The following ENOX1 variants were observed in gnomAD, a reference collection of about 807,000 sequenced individuals.
ENOX1 encodes candidate growth-related and time keeping constitutive hydroquinone (NADH) oxidase.
A neutral mutation model predicts 82.5 loss-of-function variants in ENOX1; 42 were observed. The observed-to-expected ratio is 0.51, with a 90% CI of 0.40 to 0.66. The LOEUF (loss-of-function observed/expected upper bound fraction) is 0.66, where lower values mean the gene tolerates loss of function less well. ENOX1 is among the 30% of genes least tolerant of loss of function. The pLI is 0.00. For missense variants in ENOX1, 608 were observed against 811.6 expected, an observed-to-expected ratio of 0.75 and a Z score of 3.05; for synonymous variants, 271 against 282.2, an observed-to-expected ratio of 0.96 and a Z score of 0.40.
At chr13:43,752,705 T>C (rs1566878526) in intron 1 of ENOX1, among the ~76,000 whole-genome samples, 1 of 152,202 alleles carries the variant, frequency 6.6e-6, no homozygotes, top group African/African-American at 2.4e-5. Flanking sequence ...CTTCTGCCTC[T>C]TTCTTCTGTT....
rs183534006 is a variant in ENOX1, at chr13:43,383,305, C to A, written c.209-21853G>T. The stretch of plus-strand genomic sequence containing the variant: ...TCTCCCAACTTGTTAAATTTCAAGA[C>A]TTCTCCTTGGAGCCATGAGCAGAAT... On this transcript the variant is annotated intron_variant, in intron 5 of 16. Transcript: ENST00000690772. Among the ~76,000 whole-genome samples, 19 of 152,208 alleles carry A rather than the reference C, an allele frequency of 1.2e-4. 1 individual carries two copies. The East Asian group carries it at 3.7e-3, about 29-fold the overall frequency.
At chr13:43,366,397 CCTGAGTA>C (rs999597973) in intron 5 of ENOX1, among the ~76,000 whole-genome samples, 1 of 152,068 alleles carries the variant, frequency 6.6e-6, no homozygotes, top group African/African-American at 2.4e-5. Context: ...GCCTCAGCCT[CCTGAGTA>C]GCTGGGACTA....
intron 2 of ENOX1, among the ~76,000 whole-genome samples, chr13:43,647,341 C>T (rs2083941286): frequency 6.6e-6 from 1 of 152,134 alleles, no homozygotes; most frequent in Admixed American, 6.5e-5. Flanking sequence ...CTGACACCAC[C>T]ATTGCTACCA....
intron 10 of ENOX1, 44 bp downstream of exon 10, chr13:43,326,375 C>G: frequency 6.5e-7 from 1 of 1,541,044 alleles, no homozygotes; most frequent in Non-Finnish European, 9.0e-7. Context: ...TCTGCCAATC[C>G]AGCTGTGTGA....
chr13:43,521,454 T>C (rs2077765034), intron 2 of ENOX1, among the ~76,000 whole-genome samples: 1 of 152,066 alleles, frequency 6.6e-6, no homozygotes, highest in Non-Finnish European at 1.5e-5. Flanking sequence ...GGGCTGGGTA[T>C]TCCCGCTCTC....
At chr13:43,500,848 T>C (rs1033921644) in intron 2 of ENOX1, among the ~76,000 whole-genome samples, 4 of 151,902 alleles carry the variant, frequency 2.6e-5, no homozygotes, top group Non-Finnish European at 5.9e-5. Flanking sequence ...TTGTGTGTTA[T>C]TGAAGATATG....
At chr13:43,600,189 C>A (rs987346572) in intron 2 of ENOX1, among the ~76,000 whole-genome samples, 14 of 152,142 alleles carry the variant, frequency 9.2e-5, no homozygotes, top group Non-Finnish European at 1.9e-4. Context: ...GGAACCAGCT[C>A]CGTCACAGTG....
At chr13:43,541,171 C>CTCTTTTTTTTTTTTTTTT (rs1555317884) in intron 2 of ENOX1, among the ~76,000 whole-genome samples, 1 of 38,734 alleles carries the variant, frequency 2.6e-5, no homozygotes, top group African/African-American at 6.4e-5. Flanking sequence ...CTTCTTCCCT[C>CTCTTTTTTTTTTTTTTTT]TGTTTTTTTT....
intron 1 of ENOX1, among the ~76,000 whole-genome samples, chr13:43,754,109 T>TAA (rs1491336378): frequency 7.7e-4 from 21 of 27,290 alleles, no homozygotes; most frequent in Non-Finnish European, 1.4e-3. Flanking sequence ...TATACGTATA[T>TAA]GTATACATAA....
intron 2 of ENOX1, among the ~76,000 whole-genome samples, chr13:43,623,925 A>G (rs2153747514): frequency 6.6e-6 from 1 of 152,226 alleles, no homozygotes; most frequent in African/African-American, 2.4e-5. Flanking sequence ...GTAAGTATTC[A>G]TTTCTCCAAG....
chr13:43,706,344 A>G (rs1450161003), intron 1 of ENOX1, among the ~76,000 whole-genome samples: 2 of 151,960 alleles, frequency 1.3e-5, no homozygotes, highest in African/African-American at 2.4e-5. Flanking sequence ...AGCAGGGCCA[A>G]TTTGGGTTCT....
At chr13:43,599,491 A>C (rs1350291589) in intron 2 of ENOX1, among the ~76,000 whole-genome samples, 1 of 152,032 alleles carries the variant, frequency 6.6e-6, no homozygotes, top group Non-Finnish European at 1.5e-5. Context: ...AGCCCTAACC[A>C]GAGAAAAATC....
intron 1 of ENOX1, among the ~76,000 whole-genome samples, chr13:43,736,042 AT>A (rs910171229): frequency 7.3e-5 from 11 of 151,698 alleles, no homozygotes; most frequent in Admixed American, 1.3e-4. Flanking sequence ...TCTTTCATTG[AT>A]TTTTTTTTAA....
intron 11 of ENOX1, among the ~76,000 whole-genome samples, chr13:43,319,973 C>A (rs2047713355): frequency 1.3e-5 from 2 of 152,202 alleles, no homozygotes; most frequent in African/African-American, 4.8e-5. Context: ...GAAGATACCG[C>A]TGGAAGGTGT....
chr13:43,616,138 C>CTATAGATCTA (rs1364614503), intron 2 of ENOX1, among the ~76,000 whole-genome samples: 1 of 21,636 alleles, frequency 4.6e-5, no homozygotes, highest in African/African-American at 9.8e-5. Flanking sequence ...ATCTATCTAT[C>CTATAGATCTA]TAGATATCTA....
At position 43,412,032 on chromosome 13, in the gene ENOX1, A is replaced by G. The variant is rs1594418079; in HGVS notation, c.92T>C (p.Ile31Thr). ...MAAAADGLGSIAIDTTQLNMS... is the reference protein window; with the variant it reads ...MAAAADGLGSTAIDTTQLNMS... ...GTTGAGCTGGGTCGTGTCTATCGCTATACTCCCCAAACCATCGGCTGCTGT... is the reference window on the plus strand; with the variant it reads ...GTTGAGCTGGGTCGTGTCTATCGCTGTACTCCCCAAACCATCGGCTGCTGT... The change falls in exon 5 of 17, where the codon ATA (isoleucine) becomes ACA (threonine). Residue 31 changes from isoleucine to threonine, a missense_variant. Physicochemically the swap from Ile to Thr is moderately conservative, Grantham distance 89. Transcript: ENST00000690772. The G allele has an allele frequency of 6.2e-6, 10 of 1,614,082 alleles. 1 individual carries two copies. In the East Asian group the frequency reaches 8.9e-5, roughly 14 times the overall value.
chr13:43,523,034 C>T (rs1241498387), intron 2 of ENOX1, among the ~76,000 whole-genome samples: 1 of 152,134 alleles, frequency 6.6e-6, no homozygotes, highest in African/African-American at 2.4e-5. Context: ...TTGAATGACT[C>T]ATTTTAATTT....
intron 1 of ENOX1, among the ~76,000 whole-genome samples, chr13:43,727,471 G>T (rs1232693661): frequency 6.6e-6 from 1 of 152,178 alleles, no homozygotes; most frequent in Admixed American, 6.5e-5. Flanking sequence ...TTACAATGTT[G>T]TTCCAGAAAG....
At chr13:43,251,395 C>T (rs756568203) in intron 14 of ENOX1, among the ~76,000 whole-genome samples, 1 of 152,202 alleles carries the variant, frequency 6.6e-6, no homozygotes, top group African/African-American at 2.4e-5. Flanking sequence ...TCCATCAATG[C>T]AATCATCAAT....
Sources: gnomAD v4.1 joint callset for allele counts (sites outside exome capture counted in the v4.1 genomes callset) on GRCh38, gnomAD v4.1.1 for gene constraint, MANE v1.5 for transcripts, NCBI Gene and HGNC (gene_info 2026-07-23, HGNC 2026-07-21) for gene names.